Variants in SOS1 observed in about 807,000 individuals in gnomAD.
The protein encoded by SOS1 is son of sevenless homolog 1.
SOS1 carries 25 observed loss-of-function variants against 157.6 expected under a neutral mutation model. The observed-to-expected ratio is 0.16, with a 90% CI of 0.12 to 0.22. The LOEUF (loss-of-function observed/expected upper bound fraction) is 0.22, where lower values mean the gene tolerates loss of function less well. Among genes scored for constraint, SOS1 ranks in the 10% least tolerant of loss-of-function variants. SOS1 has a pLI of 1.00. For missense variants in SOS1, 1,237 were observed against 1,599.1 expected (o/e 0.77, Z 3.86); for synonymous variants, 528 against 534.0 (o/e 0.99, Z 0.16).
chr2:38,991,486 T>C (rs988912831), intron 20 of SOS1, among the ~76,000 whole-genome samples: 34 of 152,206 alleles, frequency 2.2e-4, no homozygotes, highest in African/African-American at 7.5e-4. Flanking sequence ...CATTTCATCA[T>C]TTTCTCCTCT....
At chr2:39,102,526 A>G (rs143252831) in intron 1 of SOS1, among the ~76,000 whole-genome samples, 8,443 of 69,156 alleles carry the variant, frequency 0.12, 1,221 homozygotes, top group African/African-American at 0.39. Flanking sequence ...GCAAGACTCC[A>G]TCTCAAAAAA....
chr2:39,036,230 G>A (rs950507058), intron 6 of SOS1, among the ~76,000 whole-genome samples: 1 of 151,998 alleles, frequency 6.6e-6, no homozygotes, highest in South Asian at 2.1e-4. Flanking sequence ...TTTCCATAAA[G>A]GGTAATTCTA....
At chr2:39,002,242 C>CT (rs11375001) in intron 17 of SOS1, among the ~76,000 whole-genome samples, 143,043 of 152,058 alleles carry the variant, frequency 0.94, 67,392 homozygotes, top group African/African-American at 0.97. Flanking sequence ...AGGAGAACTG[C>CT]TGAACCCGGG....
intron 1 of SOS1, among the ~76,000 whole-genome samples, chr2:39,111,164 C>T (rs535085467): frequency 2.6e-4 from 40 of 152,118 alleles, no homozygotes; most frequent in African/African-American, 6.0e-4. Context: ...ACCCAGGAGG[C>T]GGAGGTTACA....
intron 10 of SOS1, among the ~76,000 whole-genome samples, chr2:39,020,154 C>T (rs1669753963): frequency 6.6e-6 from 1 of 151,454 alleles, no homozygotes; most frequent in Non-Finnish European, 1.5e-5. Flanking sequence ...ATCATATAAT[C>T]TTCAGGGGCC....
intron 4 of SOS1, 25 bp from the exon 5 acceptor site, chr2:39,054,848 G>A (rs1476721252): frequency 8.7e-7 from 1 of 1,147,102 alleles, no homozygotes; most frequent in Non-Finnish European, 1.3e-6. Context: ...ATATAAAAAA[G>A]TATAATAAAA....
At chr2:39,076,297 G>A (rs1238979749) in intron 1 of SOS1, among the ~76,000 whole-genome samples, 1 of 152,050 alleles carries the variant, frequency 6.6e-6, no homozygotes, top group Non-Finnish European at 1.5e-5. Context: ...TTACTGGGGA[G>A]GCTGAGGTGG....
chr2:39,026,667 A>T (rs1183636439), intron 8 of SOS1, among the ~76,000 whole-genome samples: 1 of 152,202 alleles, frequency 6.6e-6, no homozygotes, highest in Non-Finnish European at 1.5e-5. Context: ...TGCCTCTCAC[A>T]TGGCAGAATT....
At position 39,013,931 on chromosome 2, in the gene SOS1, C is replaced by A. The variant is rs757698688; in HGVS notation, c.1999G>T (p.Asp667Tyr). 1 of 1,605,744 alleles carries A rather than the reference C, an allele frequency of 6.2e-7. No homozygotes were observed. ...TTCAGTTCTGCACTCAAGGGTTGAT[C>A]TCCATTCTCTATAGCTATGCGATCA... The part of the protein sequence containing the change: ...EADRIAIENG[D>Y]QPLSAELKRF... Residue 667 changes from aspartate (D) to tyrosine (Y), a missense_variant, in exon 12 of 23, where the codon GAT becomes TAT. Transcript: ENST00000402219.
At position 39,049,952 on chromosome 2, in the gene SOS1, T is replaced by C. The variant is rs191044112; in HGVS notation, c.864+1192A>G. On this transcript the variant is annotated intron_variant, in intron 6 of 22. Coordinates refer to ENST00000402219, the MANE Select transcript of SOS1 (RefSeq NM_005633.4). ...ATGGAACACATTTGAAACAATTCAT[T>C]GTCCTTAACAGCCTGAACACCCAGA... 3.7e-3 allele frequency among the ~76,000 whole-genome samples: 563 copies of C among 152,350 alleles called. 1 individual carries two copies. The highest frequency in any genetic ancestry group is 6.8e-3 in the Non-Finnish European group (463 of 68,030).
chr2:39,115,394 T>G (rs1001699977), intron 1 of SOS1, among the ~76,000 whole-genome samples: 7 of 147,044 alleles, frequency 4.8e-5, no homozygotes, highest in Non-Finnish European at 1.0e-4. Flanking sequence ...TTGTATCAAA[T>G]TTGTTCTCTC....
chr2:39,050,710 A>G (rs13019754), intron 6 of SOS1, among the ~76,000 whole-genome samples: 29,441 of 152,174 alleles, frequency 0.19, 3,523 homozygotes, highest in Non-Finnish European at 0.27. Flanking sequence ...CTGTATTATC[A>G]TTCTTATTTT....
intron 17 of SOS1, among the ~76,000 whole-genome samples, chr2:39,003,593 A>C (rs889649243): frequency 7.9e-5 from 12 of 152,248 alleles, no homozygotes; most frequent in Admixed American, 5.2e-4. Flanking sequence ...TAACTTAATG[A>C]ATACCATTCA....
chr2:39,010,442 T>C, intron 15 of SOS1, 142 bp downstream of exon 15: 1 of 711,094 alleles, frequency 1.4e-6, no homozygotes, highest in South Asian at 1.7e-5. Flanking sequence ...GAGGTGGAGG[T>C]TTCAGTGGGC....
chr2:38,991,112 T>A (rs1668719132), intron 20 of SOS1, among the ~76,000 whole-genome samples: 1 of 152,072 alleles, frequency 6.6e-6, no homozygotes, highest in Non-Finnish European at 1.5e-5. Flanking sequence ...CTACATATTT[T>A]TTTTAAGCTC....
intron 17 of SOS1, among the ~76,000 whole-genome samples, chr2:39,002,180 G>A (rs1669124592): frequency 6.6e-6 from 1 of 152,096 alleles, no homozygotes. Context: ...ACAAAAATTA[G>A]CCGGGTGTGG....
At chr2:39,081,216 A>T (rs1672190429) in intron 1 of SOS1, among the ~76,000 whole-genome samples, 1 of 152,054 alleles carries the variant, frequency 6.6e-6, no homozygotes, top group South Asian at 2.1e-4. Context: ...GTGTTTATTT[A>T]TTAGTAAAGA....
At chr2:39,103,343 A>T (rs1673044320) in intron 1 of SOS1, among the ~76,000 whole-genome samples, 1 of 152,174 alleles carries the variant, frequency 6.6e-6, no homozygotes, top group African/African-American at 2.4e-5. Context: ...GACACTGAAA[A>T]GCCAAAACAA....
intron 1 of SOS1, among the ~76,000 whole-genome samples, chr2:39,083,270 C>G (rs1163479240): frequency 5.9e-5 from 9 of 151,870 alleles, no homozygotes; most frequent in Admixed American, 5.9e-4. Flanking sequence ...TGGACAGGAG[C>G]AATTTAAAGC....
Sources: gnomAD v4.1 joint callset for allele counts (sites outside exome capture counted in the v4.1 genomes callset) on GRCh38, gnomAD v4.1.1 for gene constraint, MANE v1.5 for transcripts, NCBI Gene and HGNC (gene_info 2026-07-23, HGNC 2026-07-21) for gene names.